Variants in RBFOX1 observed in about 807,000 individuals in gnomAD.
RBFOX1 encodes RNA binding fox-1 homolog 1.
A neutral mutation model predicts 57.7 loss-of-function variants in RBFOX1; 8 were observed. The ratio of observed to expected loss-of-function variants is 0.14; its 90% CI spans 0.08 to 0.25. RBFOX1 has a LOEUF of 0.25. Ranked by LOEUF, RBFOX1 falls within the 10% of genes least tolerant of loss-of-function variation. The probability of loss-of-function intolerance (pLI) is 1.00; values close to 1 mark genes in which losing one functional copy is unlikely to be tolerated. For synonymous variants in RBFOX1, 326 were observed against 222.4 expected (o/e 1.47, Z -4.15); for missense variants, 611 against 548.5 (o/e 1.11, Z -1.14).
chr16:7,311,003 G>T (rs1397512585), intron 4 of RBFOX1, among the ~76,000 whole-genome samples: 1 of 152,210 alleles, frequency 6.6e-6, no homozygotes, highest in Non-Finnish European at 1.5e-5. Flanking sequence ...GCCGTGTCCG[G>T]TCTGGAATTA....
chr16:6,070,849 C>G (rs2095828475), intron 1 of RBFOX1, among the ~76,000 whole-genome samples: 2 of 150,956 alleles, frequency 1.3e-5, no homozygotes, highest in South Asian at 4.2e-4. Context: ...CACTAAACTT[C>G]TTTACAAAGA....
intron 2 of RBFOX1, among the ~76,000 whole-genome samples, chr16:6,617,259 A>G (rs1218873489): frequency 7.2e-5 from 11 of 151,824 alleles, no homozygotes; most frequent in Non-Finnish European, 1.5e-5. Context: ...TGAAGCAAAT[A>G]TTGTCTAGAG....
chr16:5,928,774 T>A (rs1008779026), intron 4 of RBFOX1, among the ~76,000 whole-genome samples: 1 of 152,082 alleles, frequency 6.6e-6, no homozygotes, highest in Non-Finnish European at 1.5e-5. Flanking sequence ...GCCACCATTT[T>A]GGTTCCACAG....
chr16:7,286,423 G>A (rs964481910), intron 4 of RBFOX1, among the ~76,000 whole-genome samples: 13 of 150,532 alleles, frequency 8.6e-5, no homozygotes, highest in Non-Finnish European at 1.9e-4. Context: ...GTGGGAATTT[G>A]GGTTTCATAC....
intron 3 of RBFOX1, among the ~76,000 whole-genome samples, chr16:5,827,920 CCCAT>C (rs1333961313): frequency 1.5e-5 from 2 of 134,962 alleles, no homozygotes; most frequent in East Asian, 4.2e-4. Context: ...CATCCATCCA[CCCAT>C]CCACCCACCC....
chr16:5,747,687 TTGA>T (rs2053040189), intron 3 of RBFOX1, among the ~76,000 whole-genome samples: 2 of 152,190 alleles, frequency 1.3e-5, no homozygotes, highest in Middle Eastern at 6.8e-3. Flanking sequence ...ATACTATTCT[TTGA>T]TGGTAGTATT....
intron 3 of RBFOX1, among the ~76,000 whole-genome samples, chr16:5,659,743 C>G (rs1033887405): frequency 6.6e-6 from 1 of 152,184 alleles, no homozygotes; most frequent in Non-Finnish European, 1.5e-5. Context: ...TAAAGAGTTT[C>G]GTCCAGTTAC....
At chr16:7,443,363 TCACACACTCTCTTTCA>T (rs2098784108) in intron 4 of RBFOX1, among the ~76,000 whole-genome samples, 1 of 151,904 alleles carries the variant, frequency 6.6e-6, no homozygotes, top group Non-Finnish European at 1.5e-5. Flanking sequence ...CCCTCCTGTC[TCACACACTCTCTTTCA>T]CATTAATCAT....
At chr16:6,574,756 G>A (rs1241153723) in intron 2 of RBFOX1, among the ~76,000 whole-genome samples, 2 of 146,130 alleles carry the variant, frequency 1.4e-5, no homozygotes, top group African/African-American at 5.0e-5. Context: ...CAGCAACCAC[G>A]GGCTGGGCGT....
At chr16:7,127,680 G>A (rs542006743) in intron 4 of RBFOX1, among the ~76,000 whole-genome samples, 3 of 152,244 alleles carry the variant, frequency 2.0e-5, no homozygotes, top group South Asian at 4.2e-4. Context: ...GTATAAATGT[G>A]GAATGAATGA....
intron 3 of RBFOX1, among the ~76,000 whole-genome samples, chr16:6,987,109 G>C (rs116267964): frequency 6.6e-6 from 1 of 152,104 alleles, no homozygotes; most frequent in Admixed American, 6.6e-5. Context: ...ATTTATCAGC[G>C]TCTTGTGTGG....
chr16:7,137,128 A>G (rs73542999), intron 4 of RBFOX1, among the ~76,000 whole-genome samples: 6 of 152,334 alleles, frequency 3.9e-5, no homozygotes, highest in South Asian at 2.1e-4. Context: ...ATAAATACCT[A>G]AAGAATGATG....
intron 3 of RBFOX1, among the ~76,000 whole-genome samples, chr16:5,789,755 A>G (rs1446296911): frequency 6.6e-6 from 1 of 152,210 alleles, no homozygotes; most frequent in African/African-American, 2.4e-5. Context: ...CAGGCTCACA[A>G]GTGTCTAAGC....
intron 2 of RBFOX1, among the ~76,000 whole-genome samples, chr16:6,414,054 C>G (rs1241057044): frequency 6.6e-6 from 1 of 152,158 alleles, no homozygotes; most frequent in African/African-American, 2.4e-5. Flanking sequence ...AGTGCAAGAC[C>G]TCAGAGAGTG....
chr16:5,892,197 G>A (rs981365943), intron 4 of RBFOX1, among the ~76,000 whole-genome samples: 1 of 152,196 alleles, frequency 6.6e-6, no homozygotes, highest in Non-Finnish European at 1.5e-5. Flanking sequence ...GGGGCTGGCA[G>A]TGCTAGGTAC....
At chr16:6,908,720 C>G (rs538908705) in intron 3 of RBFOX1, among the ~76,000 whole-genome samples, 4 of 152,280 alleles carry the variant, frequency 2.6e-5, no homozygotes, top group South Asian at 4.2e-4. Flanking sequence ...GTCAGAATGC[C>G]TTGTCCTCAA....
intron 3 of RBFOX1, among the ~76,000 whole-genome samples, chr16:5,784,665 T>A (rs1290513826): frequency 6.6e-6 from 1 of 152,166 alleles, no homozygotes; most frequent in African/African-American, 2.4e-5. Context: ...GAGATTTGGG[T>A]GACGACACAG....
At chr16:6,636,790 A>ATATATAATATATAATAT (rs2098437789) in intron 2 of RBFOX1, among the ~76,000 whole-genome samples, 2 of 8,328 alleles carry the variant, frequency 2.4e-4, no homozygotes, top group Non-Finnish European at 8.9e-4. Flanking sequence ...TATAATATAT[A>ATATATAATATATAATAT]ATATATGTTA....
intron 2 of RBFOX1, among the ~76,000 whole-genome samples, chr16:6,537,975 T>G (rs930767191): frequency 2.0e-5 from 3 of 151,962 alleles, no homozygotes; most frequent in African/African-American, 7.2e-5. Context: ...TACAGTGATT[T>G]GCAGATTAAT....
Sources: allele counts gnomAD v4.1 joint callset (sites outside exome capture counted in the v4.1 genomes callset), GRCh38; gene constraint gnomAD v4.1.1; transcripts MANE v1.5; gene names NCBI Gene and HGNC (gene_info 2026-07-23, HGNC 2026-07-21).